Variants in CDYL observed in about 807,000 individuals in gnomAD.
The protein encoded by CDYL is chromodomain Y-like protein.
A neutral mutation model predicts 47.3 loss-of-function variants in CDYL; 8 were observed. The ratio of observed to expected loss-of-function variants is 0.17; its 90% CI spans 0.10 to 0.31. The LOEUF is 0.31. CDYL is among the 10% of genes least tolerant of loss of function. The pLI, the probability that CDYL is intolerant of heterozygous loss-of-function variation, is 1.00. For missense variants in CDYL, 471 were observed against 701.4 expected (o/e 0.67, Z 3.71); for synonymous variants, 266 against 265.0 (o/e 1.00, Z -0.04).
At position 4,776,823 on chromosome 6, in the gene CDYL, C is replaced by G. The variant is rs766683850; in HGVS notation, c.24+16C>G. 186 of 1,021,296 alleles carry G rather than the reference C, an allele frequency of 1.8e-4. No homozygotes were observed. Among genetic ancestry groups the G allele is most frequent in the Non-Finnish European group, 2.2e-4 (182 of 838,490 alleles). 63.3% of individuals were successfully genotyped at this position (1,021,296 alleles called of 1,614,324 possible). On this transcript the variant is annotated intron_variant, in intron 1 of 6. Transcript: ENST00000397588. ...GCTGTACGAGGTACCTCCCCTCCCCCCGGCCTCGGGCCGCCCCCCGCCCGC... is the reference window on the plus strand; with the variant it reads ...GCTGTACGAGGTACCTCCCCTCCCCGCGGCCTCGGGCCGCCCCCCGCCCGC...
At chr6:4,823,869 A>G (rs1017225830) in intron 1 of CDYL, among the ~76,000 whole-genome samples, 10 of 152,244 alleles carry the variant, frequency 6.6e-5, no homozygotes, top group South Asian at 2.1e-4. Context: ...AAACTCTGTA[A>G]CCATTATGTA....
At chr6:4,783,422 T>C (rs1384512804) in intron 1 of CDYL, among the ~76,000 whole-genome samples, 2 of 151,516 alleles carry the variant, frequency 1.3e-5, no homozygotes, top group Non-Finnish European at 2.9e-5. Flanking sequence ...TGAGACTTTT[T>C]TTTTTTTTTT....
At chr6:4,769,621 A>G (rs1383841220) in intron 3 of CDYL, among the ~76,000 whole-genome samples, 1 of 152,158 alleles carries the variant, frequency 6.6e-6, no homozygotes, top group Non-Finnish European at 1.5e-5. Flanking sequence ...TTATTTGAAA[A>G]TAATTTTTCA....
At position 4,812,828 on chromosome 6, in the gene CDYL, A is replaced by G. The variant is rs59255152; in HGVS notation, c.24+36021A>G. On this transcript the variant is annotated intron_variant, in intron 1 of 6. Coordinates refer to ENST00000397588, the MANE Select transcript of CDYL (RefSeq NM_004824.4). The stretch of plus-strand genomic sequence containing the variant: ...TCTGATACTCATCTCTGAACATGGT[A>G]TTTCTCCCAATTTACTTGTCTTCTT... Among the ~76,000 whole-genome samples the G allele has an allele frequency of 3.9e-3, 596 of 152,080 alleles. 6 individuals carry two copies. The highest frequency in any genetic ancestry group is 0.013 in the African/African-American group (558 of 41,472).
chr6:4,952,237 C>A (rs1324498110), intron 5 of CDYL, 29 bp from the exon 6 acceptor site: 1 of 1,604,506 alleles, frequency 6.2e-7, no homozygotes, highest in East Asian at 2.2e-5. Context: ...CACCGCAATT[C>A]ATATTACATC....
intron 1 of CDYL, among the ~76,000 whole-genome samples, chr6:4,784,616 G>GAT (rs1758703803): frequency 6.6e-6 from 1 of 152,186 alleles, no homozygotes. Context: ...GGCATGCCTT[G>GAT]ATATATAGTC....
chr6:4,890,045 G>A (rs936301432), intron 1 of CDYL: 2 of 985,284 alleles, frequency 2.0e-6, no homozygotes, highest in Non-Finnish European at 2.4e-6. Context: ...CTCCTGCCTC[G>A]GCTCTAAGGA....
intron 1 of CDYL, among the ~76,000 whole-genome samples, chr6:4,853,750 C>T (rs116345073): frequency 0.022 from 3,304 of 152,336 alleles, 125 homozygotes; most frequent in African/African-American, 0.076. Context: ...GGATAGAGCC[C>T]ATCACCGTTT....
chr6:4,802,266 G>A (rs1274488112), intron 1 of CDYL, among the ~76,000 whole-genome samples: 1 of 152,114 alleles, frequency 6.6e-6, no homozygotes, highest in African/African-American at 2.4e-5. Context: ...AGCTTGGCAT[G>A]GTGGTACACA....
Position 4,808,183 on chromosome 6 carries a change from G to A in CDYL, c.24+31376G>A, listed in dbSNP as rs192085409. On this transcript the variant is annotated intron_variant, in intron 1 of 6. Transcript: ENST00000397588. ...AAACGGCATTTAGAAATGCACATGC[G>A]GGGCAACACGTGCTTGTTGCCGTTG... is the stretch of plus-strand genomic sequence containing the variant. 3.1e-3 allele frequency among the ~76,000 whole-genome samples: 476 copies of A among 152,202 alleles called. 2 individuals are homozygous for A. The highest frequency in any genetic ancestry group is 0.011 in the African/African-American group (451 of 41,530).
intron 1 of CDYL, chr6:4,836,190 A>G (rs1388663109): frequency 8.9e-6 from 5 of 564,322 alleles, no homozygotes; most frequent in Non-Finnish European, 9.0e-6. Context: ...TGGGAGCTGT[A>G]GACCGGAGCT....
intron 3 of CDYL, among the ~76,000 whole-genome samples, chr6:4,936,426 G>A (rs768813129): frequency 2.0e-5 from 3 of 152,142 alleles, no homozygotes; most frequent in Non-Finnish European, 4.4e-5. Flanking sequence ...AGTCCTAGTA[G>A]TTTGTGAGTA....
intron 2 of CDYL, among the ~76,000 whole-genome samples, chr6:4,912,801 G>C (rs1757450664): frequency 6.6e-6 from 1 of 152,146 alleles, no homozygotes; most frequent in African/African-American, 2.4e-5. Flanking sequence ...TTATGTGCCA[G>C]CTCAGCTCAC....
At chr6:4,715,817 A>C in exon 2 of CDYL, 4 of 1,614,196 alleles carry the variant, frequency 2.5e-6, no homozygotes, top group Non-Finnish European at 3.4e-6. Context: ...CCTGGGGAAA[A>C]AGCAGGAAGA....
intron 1 of CDYL, among the ~76,000 whole-genome samples, chr6:4,879,772 C>G (rs142836406): frequency 1.3e-5 from 2 of 152,138 alleles, no homozygotes; most frequent in African/African-American, 4.8e-5. Flanking sequence ...GTTGGCCAGG[C>G]TAGTCTTGGA....
chr6:4,871,584 T>A (rs808590), intron 1 of CDYL, among the ~76,000 whole-genome samples: 2 of 152,106 alleles, frequency 1.3e-5, no homozygotes, highest in African/African-American at 4.8e-5. Context: ...GTCTCAGCAT[T>A]GCAGCCTCTC....
At chr6:4,905,906 C>T (rs1296407316) in intron 2 of CDYL, among the ~76,000 whole-genome samples, 2 of 152,240 alleles carry the variant, frequency 1.3e-5, no homozygotes, top group Non-Finnish European at 2.9e-5. Flanking sequence ...CATAAACATA[C>T]ATTTCACCAA....
At chr6:4,784,852 C>G (rs1001508844) in intron 1 of CDYL, among the ~76,000 whole-genome samples, 1 of 151,982 alleles carries the variant, frequency 6.6e-6, no homozygotes, top group African/African-American at 2.4e-5. Context: ...CCTTGCTGTT[C>G]TCCTGATAGT....
In CDYL at chr6:4,869,342, C is replaced by T. The variant is rs111527900; in HGVS notation, c.25-22371C>T. ...AACTCCTGACCTCAGGTGATCCACT[C>T]GCCTTGGCCTCCCAAGGCGTTGAGA... is the stretch of plus-strand genomic sequence containing the variant. On this transcript the variant is annotated intron_variant, in intron 1 of 6. Coordinates refer to ENST00000397588, the MANE Select transcript of CDYL (RefSeq NM_004824.4). Among the ~76,000 whole-genome samples, 1,151 of 152,138 alleles carry T rather than the reference C, an allele frequency of 7.6e-3. 15 individuals carry two copies. The highest frequency in any genetic ancestry group is 0.027 in the African/African-American group (1,106 of 41,520).
Sources: gnomAD v4.1 joint callset for allele counts (sites outside exome capture counted in the v4.1 genomes callset) on GRCh38, gnomAD v4.1.1 for gene constraint, MANE v1.5 for transcripts, NCBI Gene and HGNC (gene_info 2026-07-23, HGNC 2026-07-21) for gene names.